SMAD6: variants seen among roughly 807,000 people sequenced by gnomAD.
SMAD6 encodes SMAD family member 6.
In SMAD6, 103 loss-of-function variants were observed where a neutral mutation model predicts 39.4. That is an observed-to-expected ratio of 2.62 (90% CI 2.23 to 3.08). The LOEUF is 3.08. Ranked by LOEUF, SMAD6 falls within the 30% of genes most tolerant of loss-of-function variation. The pLI is 0.00. For synonymous variants in SMAD6, 445 were observed against 353.3 expected, an observed-to-expected ratio of 1.26 and a Z score of -2.91; for missense variants, 1,104 against 742.9, an observed-to-expected ratio of 1.49 and a Z score of -5.65.
chr15:66,769,256 G>A (rs1595797806), intron 3 of SMAD6, among the ~76,000 whole-genome samples: 1 of 152,162 alleles, frequency 6.6e-6, no homozygotes, highest in African/African-American at 2.4e-5. Context: ...AGAGGTCTCT[G>A]CTTAACGTAA....
At chr15:66,755,208 G>A (rs1226068313) in intron 3 of SMAD6, among the ~76,000 whole-genome samples, 1 of 152,188 alleles carries the variant, frequency 6.6e-6, no homozygotes. Flanking sequence ...CCACTACGAA[G>A]GGCCACTGCC....
intron 3 of SMAD6, among the ~76,000 whole-genome samples, chr15:66,764,513 G>T (rs1894257144): frequency 6.6e-6 from 1 of 152,100 alleles, no homozygotes; most frequent in Non-Finnish European, 1.5e-5. Flanking sequence ...CAAGTCATCT[G>T]TCTTGTCACA....
At chr15:66,736,955 G>T (rs548506729) in intron 3 of SMAD6, among the ~76,000 whole-genome samples, 1 of 152,232 alleles carries the variant, frequency 6.6e-6, no homozygotes, top group African/African-American at 2.4e-5. Flanking sequence ...GGCATGAGCC[G>T]CTGCACCTGG....
chr15:66,731,175 A>G lies in SMAD6; in HGVS notation c.952+14677A>G, dbSNP rs576673227. Among the ~76,000 whole-genome samples the G allele has an allele frequency of 2.6e-5, 4 of 152,290 alleles. No individual in the cohort carries two copies. The South Asian group carries it at 8.3e-4, about 32-fold the overall frequency. ...TTGGTGAGGCCGGGCGCGGTGGCTC[A>G]TGCCTGTTATCCCAGCACTTTGGGA... is the stretch of plus-strand genomic sequence containing the variant. On this transcript the variant is annotated intron_variant, in intron 3 of 3. Transcript: ENST00000288840.
chr15:66,755,711 T>C (rs531750279), intron 3 of SMAD6, among the ~76,000 whole-genome samples: 83 of 152,348 alleles, frequency 5.4e-4, no homozygotes, highest in African/African-American at 1.8e-3. Flanking sequence ...TTTCAGGTTC[T>C]CTGGGTTTTA....
chr15:66,712,594 G>A (rs981883269), intron 2 of SMAD6, among the ~76,000 whole-genome samples: 1 of 151,812 alleles, frequency 6.6e-6, no homozygotes, highest in Non-Finnish European at 1.5e-5. Flanking sequence ...AGGAGGCTGA[G>A]GCAGGAGAAT....
rs1893530640 is a variant in SMAD6, at chr15:66,726,897, A to T, written c.952+10399A>T. ...TTTTTTTTTTTAAATTCCCCAGGTG[A>T]CTCTAATGCGCAGCCTGGGCTAAGA... is the stretch of plus-strand genomic sequence containing the variant. On this transcript the variant is annotated intron_variant, in intron 3 of 3. Transcript: ENST00000288840. Among the ~76,000 whole-genome samples the T allele has an allele frequency of 2.7e-5, 4 of 150,820 alleles. No homozygotes were observed. In the South Asian group the frequency reaches 8.4e-4, roughly 32 times the overall value.
intron 3 of SMAD6, among the ~76,000 whole-genome samples, chr15:66,724,643 T>G (rs1893490808): frequency 6.6e-6 from 1 of 152,192 alleles, no homozygotes; most frequent in Admixed American, 6.5e-5. Context: ...TTGCTGGCCC[T>G]GGAAGATTCA....
At chr15:66,770,659 T>G (rs1443338670) in intron 3 of SMAD6, among the ~76,000 whole-genome samples, 1 of 152,140 alleles carries the variant, frequency 6.6e-6, no homozygotes, top group African/African-American at 2.4e-5. Flanking sequence ...GTTCAGAGGC[T>G]TTGTTACAGA....
chr15:66,781,205 C>A lies in SMAD6; in HGVS notation c.1161C>A (p.Ile387=). ...CGGTGCGGCGAACGCGCAGCAAGATCGGCTTCGGCATCCTGCTCAGCAAGG... is the reference window on the plus strand; with the variant it reads ...CGGTGCGGCGAACGCGCAGCAAGATAGGCTTCGGCATCCTGCTCAGCAAGG... The part of the protein sequence containing the change: ...SESVRRTRSK[I]GFGILLSKEP... The change falls in exon 4 of 4, where the codon ATC becomes ATA. Residue 387 remains isoleucine, a synonymous_variant. Coordinates refer to ENST00000288840, the MANE Select transcript of SMAD6 (RefSeq NM_005585.5). The A allele has an allele frequency of 6.2e-7, 1 of 1,608,366 alleles. No individual in the cohort carries two copies. The highest frequency in any genetic ancestry group is 8.5e-7 in the Non-Finnish European group (1 of 1,179,694).
intron 3 of SMAD6, among the ~76,000 whole-genome samples, chr15:66,734,322 G>C (rs1358734808): frequency 6.6e-6 from 1 of 152,200 alleles, no homozygotes; most frequent in Non-Finnish European, 1.5e-5. Flanking sequence ...GGCATGGCAA[G>C]GGGAAAACAC....
Position 66,722,392 on chromosome 15 carries a change from G to A in SMAD6, c.952+5894G>A, listed in dbSNP as rs893901. ...GAGAGCAGGAAGGGCATTTCATCTG[G>A]GTGAATGGTGCTCTGAAACAATCAG... is the stretch of plus-strand genomic sequence containing the variant. On this transcript the variant is annotated intron_variant, in intron 3 of 3. Transcript: ENST00000288840. 7.6e-3 allele frequency among the ~76,000 whole-genome samples: 1,159 copies of A among 152,328 alleles called. 26 individuals are homozygous for A. The East Asian group carries it at 0.078, about 10-fold the overall frequency.
chr15:66,716,642 A>G (rs1396988181), intron 3 of SMAD6, 144 bp downstream of exon 3: 4 of 698,700 alleles, frequency 5.7e-6, no homozygotes, highest in Non-Finnish European at 1.0e-5. Flanking sequence ...GAAGGTTGCC[A>G]ATGTTTCAGT....
At chr15:66,724,514 G>A (rs559925802) in intron 3 of SMAD6, among the ~76,000 whole-genome samples, 7 of 152,256 alleles carry the variant, frequency 4.6e-5, no homozygotes, top group South Asian at 2.1e-4. Flanking sequence ...ATTAAAGGAA[G>A]AAGTAACAGG....
chr15:66,765,895 G>T lies in SMAD6; in HGVS notation c.953-15102G>T, dbSNP rs1894279651. On this transcript the variant is annotated intron_variant, in intron 3 of 3. Transcript: ENST00000288840. ...TGATGTAACTCAAAAGTCCCGGCCTGCAAGTTCCCCACTGAGGAGGAAGTG... is the reference window on the plus strand; with the variant it reads ...TGATGTAACTCAAAAGTCCCGGCCTTCAAGTTCCCCACTGAGGAGGAAGTG... 2.0e-5 allele frequency among the ~76,000 whole-genome samples: 3 copies of T among 152,312 alleles called. No homozygotes were observed. The Middle Eastern group carries it at 0.01, about 518-fold the overall frequency.
chr15:66,758,004 G>C (rs965838465), intron 3 of SMAD6, among the ~76,000 whole-genome samples: 1 of 152,206 alleles, frequency 6.6e-6, no homozygotes, highest in African/African-American at 2.4e-5. Flanking sequence ...TGGAGTGGGC[G>C]TGGGACCCTC....
intron 3 of SMAD6, among the ~76,000 whole-genome samples, chr15:66,749,849 A>G (rs568505329): frequency 6.6e-6 from 1 of 152,282 alleles, no homozygotes; most frequent in Non-Finnish European, 1.5e-5. Flanking sequence ...GTGTGCCAGA[A>G]TCGAGTCTTT....
chr15:66,769,417 G>A (rs865844044), intron 3 of SMAD6, among the ~76,000 whole-genome samples: 2 of 152,168 alleles, frequency 1.3e-5, no homozygotes, highest in Admixed American at 6.5e-5. Flanking sequence ...GTGAAGATTT[G>A]CACCAGTTCA....
At chr15:66,720,680 T>C (rs1893417022) in intron 3 of SMAD6, among the ~76,000 whole-genome samples, 1 of 152,122 alleles carries the variant, frequency 6.6e-6, no homozygotes, top group South Asian at 2.1e-4. Flanking sequence ...AACAAACATA[T>C]CCTTAATGGT....
Sources: allele counts gnomAD v4.1 joint callset (sites outside exome capture counted in the v4.1 genomes callset), GRCh38; gene constraint gnomAD v4.1.1; transcripts MANE v1.5; gene names NCBI Gene and HGNC (gene_info 2026-07-23, HGNC 2026-07-21).